The following ARHGEF26 variants were observed in gnomAD, a reference collection of about 807,000 sequenced individuals.
The protein encoded by ARHGEF26 is Rho guanine nucleotide exchange factor 26, also known as Rho guanine nucleotide exchange factor (GEF) 26.
In ARHGEF26, 59 loss-of-function variants were observed where a neutral mutation model predicts 89.4. The ratio of observed to expected loss-of-function variants is 0.66; its 90% confidence interval spans 0.54 to 0.82. The LOEUF is 0.82. Ranked by LOEUF, ARHGEF26 falls within the 40% of genes least tolerant of loss-of-function variation. The probability of loss-of-function intolerance (pLI) is 0.00; values close to 1 mark genes in which losing one functional copy is unlikely to be tolerated. For missense variants in ARHGEF26, 1,234 were observed against 1,085.6 expected (o/e 1.14, Z -1.92); for synonymous variants, 500 against 428.4 (o/e 1.17, Z -2.06).
intron 12 of ARHGEF26, among the ~76,000 whole-genome samples, chr3:154,250,175 G>A (rs1383956792): frequency 2.0e-5 from 3 of 152,200 alleles, no homozygotes; most frequent in South Asian, 2.1e-4. Context: ...GATTACAGGC[G>A]TGCACCACCA....
At chr3:154,243,688 G>A (rs1717611631) in intron 12 of ARHGEF26, among the ~76,000 whole-genome samples, 1 of 152,058 alleles carries the variant, frequency 6.6e-6, no homozygotes, top group Admixed American at 6.6e-5. Flanking sequence ...AAGGGGCATG[G>A]GACAGAGGTC....
At chr3:154,218,015 G>A in intron 10 of ARHGEF26, 57 bp downstream of exon 10, 2 of 1,423,120 alleles carry the variant, frequency 1.4e-6, no homozygotes, top group Non-Finnish European at 1.9e-6. Context: ...TAAATAGAGA[G>A]AGACAGTTGA....
At chr3:154,192,827 C>A (rs942778068) in intron 8 of ARHGEF26, among the ~76,000 whole-genome samples, 1 of 151,842 alleles carries the variant, frequency 6.6e-6, no homozygotes, top group South Asian at 2.1e-4. Context: ...GCATTTTATT[C>A]CTCTTTGAGA....
At chr3:154,126,881 A>C (rs1253987904) in intron 3 of ARHGEF26, among the ~76,000 whole-genome samples, 3 of 152,192 alleles carry the variant, frequency 2.0e-5, no homozygotes, top group Non-Finnish European at 2.9e-5. Context: ...TACTTAAACA[A>C]ACCAGATGGT....
intron 10 of ARHGEF26, among the ~76,000 whole-genome samples, chr3:154,223,529 C>T (rs1290366140): frequency 3.3e-5 from 5 of 152,162 alleles, no homozygotes; most frequent in Non-Finnish European, 7.4e-5. Flanking sequence ...GAATAAAGTT[C>T]TTATACATGC....
intron 9 of ARHGEF26, among the ~76,000 whole-genome samples, chr3:154,195,071 TG>T (rs1210735919): frequency 6.6e-6 from 1 of 152,184 alleles, no homozygotes; most frequent in Non-Finnish European, 1.5e-5. Flanking sequence ...GTGTAGTCAC[TG>T]TGCTCGTGGA....
intron 11 of ARHGEF26, among the ~76,000 whole-genome samples, chr3:154,237,538 T>TCACTCACA (rs1717190723): frequency 7.0e-6 from 1 of 143,202 alleles, no homozygotes; most frequent in African/African-American, 2.6e-5. Flanking sequence ...TGAGACTCCG[T>TCACTCACA]CACACACACA....
chr3:154,235,757 C>CA (rs978529558), intron 11 of ARHGEF26, among the ~76,000 whole-genome samples: 28 of 151,144 alleles, frequency 1.9e-4, no homozygotes, highest in South Asian at 1.5e-3. Flanking sequence ...CCTTTTTAAA[C>CA]AAAAAAAAAT....
At chr3:154,219,159 T>G (rs1384331318) in intron 10 of ARHGEF26, among the ~76,000 whole-genome samples, 1 of 152,250 alleles carries the variant, frequency 6.6e-6, no homozygotes, top group African/African-American at 2.4e-5. Context: ...CTCTCTAATT[T>G]GTTTCTAAAT....
At chr3:154,123,368 CTT>C (rs1452436811) in intron 2 of ARHGEF26, among the ~76,000 whole-genome samples, 2 of 152,066 alleles carry the variant, frequency 1.3e-5, no homozygotes, top group Non-Finnish European at 2.9e-5. Context: ...CTGAGTGAGT[CTT>C]TACCACTTTT....
chr3:154,153,260 G>A (rs1302934266), intron 6 of ARHGEF26, among the ~76,000 whole-genome samples: 1 of 152,010 alleles, frequency 6.6e-6, no homozygotes, highest in Non-Finnish European at 1.5e-5. Flanking sequence ...TAAAGAAAGA[G>A]TAAGCCTTAG....
intron 6 of ARHGEF26, among the ~76,000 whole-genome samples, chr3:154,161,099 TTTGTGTGTGTGTGTGTG>T (rs140492089): frequency 0.15 from 22,816 of 147,244 alleles, 2,012 homozygotes; most frequent in East Asian, 0.36. Context: ...GGTAGCCAGG[TTTGTGTGTGTGTGTGTG>T]TGTGTGTGTG....
At chr3:154,249,018 A>C (rs1479201769) in intron 12 of ARHGEF26, among the ~76,000 whole-genome samples, 1 of 152,266 alleles carries the variant, frequency 6.6e-6, no homozygotes, top group African/African-American at 2.4e-5. Context: ...ACTTTAGAGA[A>C]ATCAAAAGGA....
intron 4 of ARHGEF26, among the ~76,000 whole-genome samples, chr3:154,146,706 TTAA>T (rs1212364168): frequency 6.6e-6 from 1 of 152,230 alleles, no homozygotes; most frequent in Non-Finnish European, 1.5e-5. Flanking sequence ...ATTCACTATC[TTAA>T]TAAGGCACAG....
intron 10 of ARHGEF26, among the ~76,000 whole-genome samples, chr3:154,223,312 A>G (rs1716257986): frequency 1.3e-5 from 2 of 152,204 alleles, no homozygotes; most frequent in East Asian, 3.9e-4. Context: ...AAATCTAAAC[A>G]TAAGAGTTAC....
At chr3:154,155,881 A>G (rs1366347659) in intron 6 of ARHGEF26, among the ~76,000 whole-genome samples, 2 of 152,006 alleles carry the variant, frequency 1.3e-5, no homozygotes, top group African/African-American at 4.8e-5. Flanking sequence ...ATGTATACCT[A>G]TATAATGTAC....
At chr3:154,145,079 C>G (rs1719618476) in intron 4 of ARHGEF26, among the ~76,000 whole-genome samples, 1 of 152,150 alleles carries the variant, frequency 6.6e-6, no homozygotes, top group South Asian at 2.1e-4. Context: ...CAGCTCCTAG[C>G]TAGGAAAAGT....
intron 6 of ARHGEF26, 114 bp downstream of exon 6, chr3:154,153,046 T>C (rs1720121176): frequency 2.0e-6 from 2 of 978,870 alleles, no homozygotes; most frequent in East Asian, 6.0e-5. Flanking sequence ...AGTTGGCTTT[T>C]GTCTTGATTC....
intron 9 of ARHGEF26, among the ~76,000 whole-genome samples, chr3:154,205,681 C>T (rs556082017): frequency 6.6e-6 from 1 of 152,160 alleles, no homozygotes; most frequent in Non-Finnish European, 1.5e-5. Context: ...TATCATGAGG[C>T]TTGCAAATAT....
Sources: gnomAD v4.1 joint callset for allele counts (sites outside exome capture counted in the v4.1 genomes callset) on GRCh38, gnomAD v4.1.1 for gene constraint, MANE v1.5 for transcripts, NCBI Gene and HGNC (gene_info 2026-07-23, HGNC 2026-07-21) for gene names.